HBS1L: variants seen among roughly 807,000 people sequenced by gnomAD.
HBS1L encodes HBS1-like protein.
HBS1L carries 55 observed loss-of-function variants against 88.9 expected under a neutral mutation model. The ratio of observed to expected loss-of-function variants is 0.62; its 90% CI spans 0.50 to 0.77. The LOEUF is 0.77. Ranked by LOEUF, HBS1L falls within the 30% of genes least tolerant of loss-of-function variation. The pLI, the probability that HBS1L is intolerant of heterozygous loss-of-function variation, is 0.00. For synonymous variants in HBS1L, 267 were observed against 288.5 expected (o/e 0.93, Z 0.76); for missense variants, 741 against 829.3 (o/e 0.89, Z 1.31).
chr6:135,033,645 C>T (rs1366586998), intron 4 of HBS1L, among the ~76,000 whole-genome samples: 1 of 152,284 alleles, frequency 6.6e-6, no homozygotes, highest in African/African-American at 2.4e-5. Context: ...GTAGTTACAA[C>T]CCTAATCAGC....
chr6:135,036,834 A>T (rs1298948982), intron 4 of HBS1L: 1 of 1,551,698 alleles, frequency 6.4e-7, no homozygotes, highest in Non-Finnish European at 8.7e-7. Flanking sequence ...TCCTAGTCAG[A>T]GAGCCTTTGT....
intron 15 of HBS1L, among the ~76,000 whole-genome samples, chr6:134,977,597 A>G (rs1286434938): frequency 6.6e-6 from 1 of 152,068 alleles, no homozygotes; most frequent in Non-Finnish European, 1.5e-5. Flanking sequence ...TCAAATTAAT[A>G]TAGAAATAAT....
chr6:134,993,168 A>G (rs576136199), intron 8 of HBS1L, among the ~76,000 whole-genome samples: 1 of 152,176 alleles, frequency 6.6e-6, no homozygotes, highest in Middle Eastern at 3.2e-3. Context: ...AGTAAACTCA[A>G]ATATGTTCAC....
chr6:134,982,593 T>C (rs751019086), intron 12 of HBS1L, 31 bp from the exon 13 acceptor site: 4 of 1,250,336 alleles, frequency 3.2e-6, no homozygotes, highest in East Asian at 4.7e-5. Context: ...TTATGGTTCA[T>C]ACAGCAATGT....
At chr6:135,000,822 G>A (rs1280359472) in intron 5 of HBS1L, among the ~76,000 whole-genome samples, 1 of 151,974 alleles carries the variant, frequency 6.6e-6, no homozygotes, top group Non-Finnish European at 1.5e-5. Flanking sequence ...TTTAAAATAA[G>A]ACACCACTGA....
intron 7 of HBS1L, among the ~76,000 whole-genome samples, chr6:134,996,254 A>G (rs1344382637): frequency 6.6e-6 from 1 of 152,224 alleles, no homozygotes; most frequent in Non-Finnish European, 1.5e-5. Context: ...AACTGACTGC[A>G]TTATAGCTAC....
In HBS1L at chr6:134,960,855, G is replaced by A. The variant is rs1463874430; in HGVS notation, c.*4424C>T. The A allele has an allele frequency of 1.3e-5, 2 of 152,042 alleles. No individual in the cohort carries two copies. Among genetic ancestry groups the A allele is most frequent in the African/African-American group, 2.4e-5 (1 of 41,410 alleles). 9.4% of individuals were successfully genotyped at this position (152,042 alleles called of 1,614,324 possible). A position where few individuals can be genotyped will look rare whatever the true frequency, so the allele number is the denominator to read the frequency against. On this transcript the variant is annotated 3_prime_UTR_variant, in exon 18 of 18. Transcript: ENST00000367837. ...CTTGGCACATGGTATACACCCAACG[G>A]ATCAGTTATTTTTGTCTCCCCAGTA...
intron 13 of HBS1L, 22 bp downstream of exon 13, chr6:134,982,436 A>C: frequency 6.8e-7 from 1 of 1,468,004 alleles, no homozygotes; most frequent in Non-Finnish European, 9.5e-7. Context: ...TTGTTTAGCA[A>C]AAGCATCTTG....
chr6:134,967,315 T>C (rs1156402511), intron 16 of HBS1L, among the ~76,000 whole-genome samples: 1 of 152,148 alleles, frequency 6.6e-6, no homozygotes, highest in Non-Finnish European at 1.5e-5. Context: ...GGCAGACGAC[T>C]AAAAGAAGGT....
Position 134,982,539 on chromosome 6 carries a change from T to C in HBS1L, c.1516A>G (p.Thr506Ala), listed in dbSNP as rs1370530996. The C allele has an allele frequency of 1.2e-6, 2 of 1,609,814 alleles. No individual in the cohort carries two copies. Among genetic ancestry groups the C allele is most frequent in the South Asian group, 2.2e-5 (2 of 90,890 alleles). ...FKDQGSGFCITGKIEAGYIQT... is the reference protein window; with the variant it reads ...FKDQGSGFCIAGKIEAGYIQT... ...ATATAACCAGCTTCTATTTTACCAG[T>C]TATGCAAAATCCAGATCCTTGATCT... is the stretch of plus-strand genomic sequence containing the variant. Residue 506 changes from threonine to alanine, a missense_variant, in exon 13 of 18, where the codon ACT becomes GCT. Thr to Ala is a moderately conservative substitution (Grantham distance 58). Coordinates refer to ENST00000367837, the MANE Select transcript of HBS1L (RefSeq NM_006620.4).
At chr6:134,978,484 G>A (rs1398440876) in intron 15 of HBS1L, among the ~76,000 whole-genome samples, 195 bp downstream of exon 15, 2 of 151,614 alleles carry the variant, frequency 1.3e-5, no homozygotes, top group Admixed American at 6.6e-5. Flanking sequence ...CTTTTAAAAA[G>A]TCCTCAGGCT....
chr6:134,997,539 G>C lies in HBS1L; in HGVS notation c.657C>G (p.Pro219=), dbSNP rs751829633. The C allele has an allele frequency of 6.2e-7, 1 of 1,614,040 alleles. No individual in the cohort carries two copies. The highest frequency in any genetic ancestry group is 8.5e-7 in the Non-Finnish European group (1 of 1,179,984). The part of the protein sequence containing the change: ...LETASKSANP[P]HTIQASEEQS... Reference sequence around the variant, plus strand: ...GCTCTTCTGATGCTTGAATCGTGTGGGGTGGATTAGCAGATTTAGAAGCAG... The same window carrying C: ...GCTCTTCTGATGCTTGAATCGTGTGCGGTGGATTAGCAGATTTAGAAGCAG... The change falls in exon 6 of 18, where the codon CCC becomes CCG. Residue 219 remains proline, a synonymous_variant. Transcript: ENST00000367837.
chr6:135,015,730 C>T (rs1296281893), intron 4 of HBS1L, among the ~76,000 whole-genome samples: 2 of 151,676 alleles, frequency 1.3e-5, no homozygotes, highest in East Asian at 1.9e-4. Flanking sequence ...TACAGGCACA[C>T]GCCATCACGC....
chr6:134,992,804 T>C (rs2114796065), intron 8 of HBS1L, among the ~76,000 whole-genome samples: 1 of 152,280 alleles, frequency 6.6e-6, no homozygotes, highest in African/African-American at 2.4e-5. Flanking sequence ...AAGAAAAACA[T>C]ATTTTTAAAT....
chr6:134,984,617 T>C (rs112636591), intron 12 of HBS1L, among the ~76,000 whole-genome samples: 4 of 152,308 alleles, frequency 2.6e-5, no homozygotes, highest in African/African-American at 4.8e-5. Context: ...GTTTTTATTA[T>C]TGTAATAATA....
chr6:135,041,169 T>C (rs1776724932), intron 3 of HBS1L, among the ~76,000 whole-genome samples: 1 of 151,976 alleles, frequency 6.6e-6, no homozygotes, highest in Middle Eastern at 3.2e-3. Flanking sequence ...TATTTGATAC[T>C]TCTTTCATTG....
At chr6:135,041,954 G>C in intron 3 of HBS1L, 47 bp downstream of exon 3, 1 of 1,554,106 alleles carries the variant, frequency 6.4e-7, no homozygotes, top group Non-Finnish European at 8.9e-7. Context: ...TGGTGTATTT[G>C]GTCATTAATC....
chr6:134,980,705 A>G (rs1774804401), intron 13 of HBS1L, among the ~76,000 whole-genome samples: 1 of 151,910 alleles, frequency 6.6e-6, no homozygotes, highest in Non-Finnish European at 1.5e-5. Flanking sequence ...GACAAACATT[A>G]CAAAAAGAGG....
In HBS1L at chr6:134,982,603, T is replaced by C. The variant is rs779618143; in HGVS notation, c.1493-41A>G. ...AAATCTTATGGTTCATACAGCAATGTTATCTGATGATTAATACCGTTAACT... is the reference window on the plus strand; with the variant it reads ...AAATCTTATGGTTCATACAGCAATGCTATCTGATGATTAATACCGTTAACT... On this transcript the variant is annotated intron_variant, in intron 12 of 17. Transcript: ENST00000367837. 8 of 1,128,520 alleles carry C rather than the reference T, an allele frequency of 7.1e-6. No homozygotes were observed. In the Admixed American group the frequency reaches 1.4e-4, roughly 20 times the overall value. 69.9% of individuals were successfully genotyped at this position (1,128,520 alleles called of 1,614,324 possible).
Sources: allele counts gnomAD v4.1 joint callset (sites outside exome capture counted in the v4.1 genomes callset), GRCh38; gene constraint gnomAD v4.1.1; transcripts MANE v1.5; gene names NCBI Gene and HGNC (gene_info 2026-07-23, HGNC 2026-07-21).